Variants in SLC5A1 observed in about 807,000 individuals in gnomAD.
The protein encoded by SLC5A1 is sodium/glucose cotransporter 1.
Under a neutral mutation model 73.5 loss-of-function variants are expected in SLC5A1, and 42 were observed. The ratio of observed to expected loss-of-function variants is 0.57; its 90% CI spans 0.45 to 0.74. The LOEUF is 0.74. SLC5A1 is among the 30% of genes least tolerant of loss of function. The pLI is 0.00. For synonymous variants in SLC5A1, 300 were observed against 317.4 expected (o/e 0.95, Z 0.58); for missense variants, 634 against 855.4 (o/e 0.74, Z 3.23).
chr22:32,103,653 G>A (rs1323974075), intron 13 of SLC5A1, among the ~76,000 whole-genome samples: 2 of 152,156 alleles, frequency 1.3e-5, no homozygotes, highest in Admixed American at 1.3e-4. Context: ...GCTTTCAAAG[G>A]TCCCAACAAA....
rs779993871 is a variant in SLC5A1, at chr22:32,091,729, G to C, written c.1247G>C (p.Arg416Thr). Residue 416 changes from arginine to threonine, a missense_variant, in exon 11 of 15, where the codon AGA (arginine) becomes ACA (threonine). Arg to Thr is a moderately conservative substitution (Grantham distance 71). Coordinates refer to ENST00000266088, the MANE Select transcript of SLC5A1 (RefSeq NM_000343.4). ...TMDIYAKVRKRASEKELMIAG... is the reference protein window; with the variant it reads ...TMDIYAKVRKTASEKELMIAG... ...GACATCTACGCCAAGGTCCGCAAGA[G>C]AGCATCTGAGAAAGAGCTCATGATT... The C allele has an allele frequency of 4.3e-6, 7 of 1,613,994 alleles. No homozygotes were observed. Among genetic ancestry groups the C allele is most frequent in the Non-Finnish European group, 5.9e-6 (7 of 1,179,966 alleles).
rs755240209 is a variant in SLC5A1 at position 32,084,502 on chromosome 22, T to C, written c.728T>C (p.Ile243Thr). ...AAGTACATGAAAGCCATTCCAACCA[T>C]AGTGTCTGATGGCAACACCACCTTT... is the stretch of plus-strand genomic sequence containing the variant. ...MEKYMKAIPT[I>T]VSDGNTTFQE... The change falls in exon 8 of 15, where the codon ATA (isoleucine) becomes ACA (threonine). Residue 243 changes from isoleucine (I) to threonine (T), a missense_variant. Physicochemically the swap from Ile to Thr is moderately conservative, Grantham distance 89. Coordinates refer to ENST00000266088, the MANE Select transcript of SLC5A1 (RefSeq NM_000343.4). 1.2e-6 allele frequency: 2 copies of C among 1,614,100 alleles called. No individual in the cohort carries two copies. Among genetic ancestry groups the C allele is most frequent in the Non-Finnish European group, 1.7e-6 (2 of 1,180,034 alleles).
At chr22:32,050,128 C>A in intron 2 of SLC5A1, 114 bp downstream of exon 2, 1 of 938,762 alleles carries the variant, frequency 1.1e-6, no homozygotes, top group South Asian at 1.3e-5. Context: ...GGATCCCAAC[C>A]AGATTCTTGA....
At chr22:32,046,341 T>C (rs1334919133) in intron 1 of SLC5A1, among the ~76,000 whole-genome samples, 1 of 151,630 alleles carries the variant, frequency 6.6e-6, no homozygotes, top group Non-Finnish European at 1.5e-5. Flanking sequence ...GTTGTGACAG[T>C]GTCCTGGTGG....
intron 10 of SLC5A1, among the ~76,000 whole-genome samples, chr22:32,091,298 A>AACACACACACACACAC (rs67059150): frequency 3.6e-5 from 5 of 138,920 alleles, no homozygotes; most frequent in Non-Finnish European, 7.9e-5. Flanking sequence ...CACATACACA[A>AACACACACACACACAC]ACACACACAC....
chr22:32,107,016 G>A (rs2094047364), intron 14 of SLC5A1, among the ~76,000 whole-genome samples: 1 of 152,320 alleles, frequency 6.6e-6, no homozygotes, highest in East Asian at 1.9e-4. Flanking sequence ...GGCTTAGGGA[G>A]GGAGAGGCTG....
At chr22:32,066,121 A>G (rs546765228) in intron 2 of SLC5A1, among the ~76,000 whole-genome samples, 2 of 152,252 alleles carry the variant, frequency 1.3e-5, no homozygotes, top group East Asian at 3.9e-4. Context: ...TTTACCTGAT[A>G]CTTTCTTTTT....
chr22:32,081,384 A>AG (rs1177008468), intron 5 of SLC5A1, among the ~76,000 whole-genome samples: 1 of 152,008 alleles, frequency 6.6e-6, no homozygotes, highest in Non-Finnish European at 1.5e-5. Flanking sequence ...AAACTTGCTA[A>AG]GTTTCTCCCC....
At chr22:32,046,515 G>A (rs1219318711) in intron 1 of SLC5A1, among the ~76,000 whole-genome samples, 2 of 152,148 alleles carry the variant, frequency 1.3e-5, no homozygotes, top group Non-Finnish European at 2.9e-5. Context: ...CTGACAGAGA[G>A]GATATTCCTT....
intron 2 of SLC5A1, among the ~76,000 whole-genome samples, chr22:32,052,866 A>G (rs1232470933): frequency 6.6e-6 from 1 of 152,080 alleles, no homozygotes; most frequent in Non-Finnish European, 1.5e-5. Flanking sequence ...GTCACCTGAG[A>G]CCTGAGTCTA....
chr22:32,099,621 C>G (rs2094032998), intron 12 of SLC5A1, among the ~76,000 whole-genome samples: 2 of 152,026 alleles, frequency 1.3e-5, no homozygotes. Context: ...GAGGTGAGGA[C>G]TCACTATGTT....
chr22:32,073,811 G>A (rs1424904946), intron 5 of SLC5A1, among the ~76,000 whole-genome samples: 1 of 152,008 alleles, frequency 6.6e-6, no homozygotes, highest in African/African-American at 2.4e-5. Flanking sequence ...CGCCCGCTTC[G>A]GCCTCCCAAA....
chr22:32,109,885 A>C, intron 14 of SLC5A1, 105 bp from the exon 15 acceptor site: 1 of 848,112 alleles, frequency 1.2e-6, no homozygotes, highest in South Asian at 1.5e-5. Context: ...ATTTTTGGGA[A>C]ATTTCTGCAG....
intron 14 of SLC5A1, among the ~76,000 whole-genome samples, chr22:32,109,596 G>A (rs1258196028): frequency 2.0e-5 from 3 of 152,178 alleles, no homozygotes; most frequent in African/African-American, 7.2e-5. Context: ...GTGATGTAGT[G>A]AACAGATATG....
At chr22:32,105,635 G>T (rs1410840785) in intron 14 of SLC5A1, among the ~76,000 whole-genome samples, 2 of 152,050 alleles carry the variant, frequency 1.3e-5, no homozygotes, top group Non-Finnish European at 2.9e-5. Flanking sequence ...AGTTTTCATT[G>T]ACTATAGCCA....
rs765502638 is a variant in SLC5A1, at chr22:32,084,649, G to A, written c.875G>A (p.Cys292Tyr). 6.8e-6 allele frequency: 11 copies of A among 1,613,508 alleles called. No individual in the cohort carries two copies. The highest frequency in any genetic ancestry group is 3.3e-5 in the South Asian group (3 of 91,066). ...GMSILTLWYW[C>Y]TDQVIVQRCL... ...TCCATCCTTACCTTGTGGTACTGGT[G>A]CACAGATCAGGTACCCAAGCTGGAT... The change falls in exon 8 of 15, where the codon TGC becomes TAC. Residue 292 changes from cysteine to tyrosine, a missense_variant. Cys to Tyr is a radical substitution (Grantham distance 194). Around this residue, in one of 3 missense-constraint regions of SLC5A1, gnomAD observed 422 missense variants for 626.1 expected, o/e 0.67. Transcript: ENST00000266088.
chr22:32,063,584 C>T (rs1428702661), intron 2 of SLC5A1, among the ~76,000 whole-genome samples: 1 of 152,134 alleles, frequency 6.6e-6, no homozygotes, highest in Non-Finnish European at 1.5e-5. Context: ...CTGACAGGCC[C>T]TTTTGGGTGT....
chr22:32,058,353 C>T (rs943904075), intron 2 of SLC5A1, among the ~76,000 whole-genome samples: 2 of 152,212 alleles, frequency 1.3e-5, no homozygotes, highest in African/African-American at 4.8e-5. Flanking sequence ...GAGATCCCAT[C>T]TCTACAAAAA....
intron 10 of SLC5A1, among the ~76,000 whole-genome samples, chr22:32,089,830 G>C (rs559592339): frequency 2.0e-4 from 31 of 152,170 alleles, no homozygotes; most frequent in Non-Finnish European, 3.7e-4. Flanking sequence ...ACTCTTGTTA[G>C]TGGGTCCTCA....
Sources: allele counts gnomAD v4.1 joint callset (sites outside exome capture counted in the v4.1 genomes callset), GRCh38; gene constraint gnomAD v4.1.1; regional missense constraint gnomAD v4.1.1; transcripts MANE v1.5; gene names NCBI Gene and HGNC (gene_info 2026-07-23, HGNC 2026-07-21).